The following ALPK1 variants were observed in gnomAD, a reference collection of about 807,000 sequenced individuals.
The protein encoded by ALPK1 is alpha kinase 1.
In ALPK1, 110 loss-of-function variants were observed where a neutral mutation model predicts 120.6. The ratio of observed to expected loss-of-function variants is 0.91; its 90% CI spans 0.78 to 1.07. The LOEUF (loss-of-function observed/expected upper bound fraction) is 1.07, where lower values mean the gene tolerates loss of function less well. ALPK1 is among the 50% of genes least tolerant of loss of function. The pLI is 0.00. For missense variants in ALPK1, 1,498 were observed against 1,483.9 expected, an observed-to-expected ratio of 1.01 and a Z score of -0.16; for synonymous variants, 582 against 560.3, an observed-to-expected ratio of 1.04 and a Z score of -0.55.
intron 2 of ALPK1, among the ~76,000 whole-genome samples, chr4:112,327,897 A>G (rs1237626312): frequency 6.6e-6 from 1 of 152,244 alleles, no homozygotes; most frequent in African/African-American, 2.4e-5. Context: ...AGTGCAGTCA[A>G]TATCTAACAA....
intron 1 of ALPK1, among the ~76,000 whole-genome samples, chr4:112,315,147 G>A (rs1178145774): frequency 1.3e-5 from 2 of 152,076 alleles, no homozygotes; most frequent in Non-Finnish European, 2.9e-5. Flanking sequence ...CTCCCAAAGT[G>A]CTGGGATTAC....
intron 2 of ALPK1, among the ~76,000 whole-genome samples, chr4:112,373,397 T>C (rs1578511591): frequency 6.6e-6 from 1 of 152,330 alleles, no homozygotes; most frequent in Admixed American, 6.5e-5. Context: ...AATAGCCAGC[T>C]TGTGGCATAA....
At chr4:112,354,269 TA>T (rs1418622648) in intron 2 of ALPK1, among the ~76,000 whole-genome samples, 7 of 152,322 alleles carry the variant, frequency 4.6e-5, no homozygotes, top group Non-Finnish European at 1.0e-4. Context: ...ATTTATTTCC[TA>T]ATGAAAGGTA....
At chr4:112,404,618 T>C (rs1733082675) in intron 4 of ALPK1, among the ~76,000 whole-genome samples, 1 of 152,258 alleles carries the variant, frequency 6.6e-6, no homozygotes, top group African/African-American at 2.4e-5. Context: ...CTACTGCATA[T>C]ACCTAATTTT....
intron 2 of ALPK1, among the ~76,000 whole-genome samples, chr4:112,324,050 A>G (rs182470059): frequency 1.7e-3 from 262 of 152,132 alleles, no homozygotes; most frequent in Middle Eastern, 3.4e-3. Context: ...GCTCTTGGCC[A>G]GGCGTGGTGG....
chr4:112,378,312 C>T lies in ALPK1; in HGVS notation c.121+414C>T, dbSNP rs1288367072. Among the ~76,000 whole-genome samples the T allele has an allele frequency of 2.6e-5, 4 of 152,202 alleles. No individual in the cohort carries two copies. In the South Asian group the frequency reaches 8.3e-4, roughly 32 times the overall value. On this transcript the variant is annotated intron_variant, in intron 3 of 15. Coordinates refer to ENST00000650871, the MANE Select transcript of ALPK1 (RefSeq NM_025144.4). ...TAGACTTCTAGGGTTTCCATAAATACGTCATCTCACCAGTCCAATCTCACT... is the reference window on the plus strand; with the variant it reads ...TAGACTTCTAGGGTTTCCATAAATATGTCATCTCACCAGTCCAATCTCACT...
At chr4:112,439,993 A>C (rs1286924999) in intron 14 of ALPK1, 121 bp downstream of exon 14, 2 of 904,296 alleles carry the variant, frequency 2.2e-6, no homozygotes, top group East Asian at 5.6e-5. Context: ...ATTTGGAGTT[A>C]ACTTAATTGA....
rs1214502400 is a variant in ALPK1, at chr4:112,431,912, G to A, written c.2365G>A (p.Gly789Arg). ...KASPSWVDPE[G>R]ETAESTEDAP... The stretch of plus-strand genomic sequence containing the variant: ...TAGTCCCTCCTGGGTTGACCCAGAA[G>A]GAGAAACAGCAGAAAGCACTGAAGA... The change falls in exon 11 of 16, where the codon GGA (glycine) becomes AGA (arginine). Residue 789 changes from glycine to arginine, a missense_variant. By Grantham distance (125) the Gly-to-Arg change is moderately radical. Coordinates refer to ENST00000650871, the MANE Select transcript of ALPK1 (RefSeq NM_025144.4). 2 of 1,614,042 alleles carry A rather than the reference G, an allele frequency of 1.2e-6. No homozygotes were observed. Among genetic ancestry groups the A allele is most frequent in the South Asian group, 1.1e-5 (1 of 91,088 alleles).
Position 112,370,079 on chromosome 4 carries a change from C to G in ALPK1, c.-100-7599C>G, listed in dbSNP as rs540762363. Among the ~76,000 whole-genome samples, 5 of 152,254 alleles carry G rather than the reference C, an allele frequency of 3.3e-5. No homozygotes were observed. The East Asian group carries it at 9.6e-4, about 29-fold the overall frequency. ...CTTGACATATTCCCTAATAGGGGTACTAATTGTCCAGTGAAAAAGACTCAA... is the reference window on the plus strand; with the variant it reads ...CTTGACATATTCCCTAATAGGGGTAGTAATTGTCCAGTGAAAAAGACTCAA... On this transcript the variant is annotated intron_variant, in intron 2 of 15. Transcript: ENST00000650871.
chr4:112,307,885 C>G (rs1217334153), intron 1 of ALPK1, among the ~76,000 whole-genome samples: 2 of 152,074 alleles, frequency 1.3e-5, no homozygotes, highest in Non-Finnish European at 2.9e-5. Flanking sequence ...GTGGCTGGTA[C>G]TGGTTTTTCC....
At chr4:112,310,686 A>G (rs1728361893) in intron 1 of ALPK1, among the ~76,000 whole-genome samples, 1 of 152,084 alleles carries the variant, frequency 6.6e-6, no homozygotes, top group African/African-American at 2.4e-5. Context: ...TTTGGCCATG[A>G]CCAAGTTAAT....
intron 2 of ALPK1, among the ~76,000 whole-genome samples, chr4:112,344,043 C>G (rs1050007260): frequency 6.6e-6 from 1 of 152,150 alleles, no homozygotes; most frequent in African/African-American, 2.4e-5. Flanking sequence ...AACAAGAAAG[C>G]CTGCCTTCCG....
At chr4:112,402,962 A>G (rs1489959760) in intron 4 of ALPK1, among the ~76,000 whole-genome samples, 2 of 151,886 alleles carry the variant, frequency 1.3e-5, no homozygotes, top group African/African-American at 2.4e-5. Flanking sequence ...ATCAAATTCC[A>G]TGTAGACCAA....
At chr4:112,313,856 AAG>A (rs1181415708) in intron 1 of ALPK1, among the ~76,000 whole-genome samples, 1 of 152,216 alleles carries the variant, frequency 6.6e-6, no homozygotes, top group Non-Finnish European at 1.5e-5. Flanking sequence ...AGAGAATGGG[AAG>A]AGAGAGGTTG....
intron 1 of ALPK1, among the ~76,000 whole-genome samples, chr4:112,302,878 C>T (rs1008549647): frequency 6.6e-6 from 1 of 152,190 alleles, no homozygotes; most frequent in African/African-American, 2.4e-5. Context: ...TTACTTCTAC[C>T]TCCCTGCAAT....
rs1050050030 is a variant in ALPK1 at position 112,431,787 on chromosome 4, T to C, written c.2240T>C (p.Ile747Thr). ...CAAAAAGAAGAAGCCTTTGAAATAA[T>C]TGTTGAGTTTCCAGAAACCAACTGC... ...SVQKEEAFEI[I>T]VEFPETNCDV... is the part of the protein sequence containing the mutation. The change falls in exon 11 of 16, where the codon ATT (isoleucine) becomes ACT (threonine). Residue 747 changes from isoleucine to threonine, a missense_variant. Transcript: ENST00000650871. 8.7e-6 allele frequency: 14 copies of C among 1,614,050 alleles called. No homozygotes were observed. In the Admixed American group the frequency reaches 2.0e-4, roughly 23 times the overall value.
intron 7 of ALPK1, 148 bp from the exon 8 acceptor site, chr4:112,426,319 G>T (rs1406068888): frequency 2.1e-6 from 1 of 486,544 alleles, no homozygotes; most frequent in Non-Finnish European, 3.6e-6. Flanking sequence ...AAACATTGCT[G>T]TGTCAATCTA....
At chr4:112,349,173 G>A (rs888373982) in intron 2 of ALPK1, among the ~76,000 whole-genome samples, 1 of 151,874 alleles carries the variant, frequency 6.6e-6, no homozygotes, top group South Asian at 2.1e-4. Context: ...AATTGAATAT[G>A]GATCCAGATA....
At chr4:112,421,091 C>A (rs1280812403) in intron 5 of ALPK1, among the ~76,000 whole-genome samples, 2 of 152,098 alleles carry the variant, frequency 1.3e-5, no homozygotes, top group African/African-American at 4.8e-5. Context: ...CCTCAGTCTC[C>A]CAAATGCTGG....
Sources: gnomAD v4.1 joint callset for allele counts (sites outside exome capture counted in the v4.1 genomes callset) on GRCh38, gnomAD v4.1.1 for gene constraint, MANE v1.5 for transcripts, NCBI Gene and HGNC (gene_info 2026-07-23, HGNC 2026-07-21) for gene names.